The following KCNMA1 variants were observed in gnomAD, a reference collection of about 807,000 sequenced individuals.
KCNMA1 encodes potassium calcium-activated channel subfamily M alpha 1, also known as Calcium-activated potassium channel subunit alpha-1.
In KCNMA1, 29 loss-of-function variants were observed where a neutral mutation model predicts 140.0. That is an observed-to-expected ratio of 0.21 (90% CI 0.15 to 0.28). The LOEUF is 0.28. KCNMA1 is among the 10% of genes least tolerant of loss of function. KCNMA1 has a pLI of 1.00. For synonymous variants in KCNMA1, 612 were observed against 611.9 expected, an observed-to-expected ratio of 1.00 and a Z score of 0.00; for missense variants, 880 against 1,602.2, an observed-to-expected ratio of 0.55 and a Z score of 7.70.
intron 1 of KCNMA1, among the ~76,000 whole-genome samples, chr10:77,460,414 A>G (rs957453002): frequency 3.9e-5 from 6 of 152,180 alleles, no homozygotes; most frequent in Admixed American, 1.3e-4. Flanking sequence ...AAATCATTAG[A>G]CCAAAAAAAC....
chr10:77,616,249 C>T (rs11002219), intron 1 of KCNMA1, among the ~76,000 whole-genome samples: 13,541 of 152,236 alleles, frequency 0.089, 1,821 homozygotes, highest in African/African-American at 0.29. Context: ...ATTCCACAGA[C>T]GTGCAATCCA....
chr10:77,132,257 T>C (rs1387198366), intron 5 of KCNMA1, among the ~76,000 whole-genome samples: 1 of 152,122 alleles, frequency 6.6e-6, no homozygotes, highest in Non-Finnish European at 1.5e-5. Context: ...AGAATGGGCA[T>C]AGCCACACAG....
intron 2 of KCNMA1, among the ~76,000 whole-genome samples, chr10:77,296,513 CCAA>C (rs1251713971): frequency 6.6e-6 from 1 of 152,144 alleles, no homozygotes; most frequent in Non-Finnish European, 1.5e-5. Context: ...CCTTTTAAAA[CCAA>C]CTAATTCATG....
chr10:77,355,938 C>A (rs181482021), intron 2 of KCNMA1, among the ~76,000 whole-genome samples: 34 of 152,224 alleles, frequency 2.2e-4, no homozygotes, highest in African/African-American at 7.7e-4. Flanking sequence ...AAAAAACGAC[C>A]CCCTGTACAC....
chr10:77,531,097 G>A (rs1478626362), intron 1 of KCNMA1, among the ~76,000 whole-genome samples: 2 of 152,102 alleles, frequency 1.3e-5, no homozygotes, highest in Admixed American at 1.3e-4. Flanking sequence ...CCGAGACTTG[G>A]GGAAGCAAGC....
intron 1 of KCNMA1, among the ~76,000 whole-genome samples, chr10:77,447,697 T>C (rs1311295682): frequency 6.6e-6 from 1 of 152,194 alleles, no homozygotes; most frequent in Non-Finnish European, 1.5e-5. Context: ...AGGTTTTGGA[T>C]CCTGGGATCA....
At chr10:77,307,694 G>A (rs111294140) in intron 2 of KCNMA1, among the ~76,000 whole-genome samples, 2,186 of 152,086 alleles carry the variant, frequency 0.014, 48 homozygotes, top group African/African-American at 0.05. Context: ...CTACAGGCGC[G>A]CACCACCACG....
chr10:76,896,041 T>A (rs1202442062), intron 25 of KCNMA1, among the ~76,000 whole-genome samples: 1 of 152,200 alleles, frequency 6.6e-6, no homozygotes, highest in African/African-American at 2.4e-5. Flanking sequence ...TTGATAATCA[T>A]CTTAACAGGG....
chr10:76,882,811 C>T (rs148363004), downstream of KCNMA1, among the ~76,000 whole-genome samples: 1,013 of 152,290 alleles, frequency 6.7e-3, 2 homozygotes, highest in Middle Eastern at 0.014. Context: ...GCATGGGAGA[C>T]AGTCAGCCAG....
chr10:77,589,613 G>A (rs1412928940), intron 1 of KCNMA1, among the ~76,000 whole-genome samples: 1 of 152,182 alleles, frequency 6.6e-6, no homozygotes, highest in African/African-American at 2.4e-5. Context: ...GAATGAAGCC[G>A]CAGACCCTCG....
chr10:77,298,281 C>T (rs566114773), intron 2 of KCNMA1, among the ~76,000 whole-genome samples: 11 of 152,240 alleles, frequency 7.2e-5, no homozygotes, highest in African/African-American at 1.7e-4. Flanking sequence ...TCACTCTCAA[C>T]GCCCAGGCTG....
intron 1 of KCNMA1, among the ~76,000 whole-genome samples, chr10:77,440,406 G>C (rs140265990): frequency 6.6e-6 from 1 of 152,124 alleles, no homozygotes; most frequent in East Asian, 1.9e-4. Context: ...GCAGAGCAAG[G>C]GTGAAACATG....
intron 16 of KCNMA1, among the ~76,000 whole-genome samples, chr10:77,026,879 T>C (rs1000468230): frequency 3.9e-5 from 6 of 152,316 alleles, no homozygotes; most frequent in Middle Eastern, 3.4e-3. Context: ...CCTTAAATGA[T>C]GATAAAAGGA....
At chr10:77,407,966 G>A (rs1361918482) in intron 1 of KCNMA1, among the ~76,000 whole-genome samples, 1 of 152,174 alleles carries the variant, frequency 6.6e-6, no homozygotes, top group Non-Finnish European at 1.5e-5. Flanking sequence ...ATCCTCCAAT[G>A]AGCAAGAAGT....
chr10:77,398,363 A>AT (rs766608997), intron 2 of KCNMA1, among the ~76,000 whole-genome samples: 74 of 152,178 alleles, frequency 4.9e-4, no homozygotes, highest in Admixed American at 1.6e-3. Context: ...AACATCTGTT[A>AT]TTTTTTGTCT....
exon 28 of KCNMA1, chr10:76,871,810 G>A (rs943376416): frequency 2.6e-5 from 4 of 152,144 alleles, no homozygotes; most frequent in African/African-American, 9.7e-5. Context: ...TTTCTCCCTT[G>A]TTTCAACTCC....
chr10:77,203,427 A>G (rs2043055142), intron 3 of KCNMA1, among the ~76,000 whole-genome samples: 1 of 152,064 alleles, frequency 6.6e-6, no homozygotes, highest in African/African-American at 2.4e-5. Flanking sequence ...CTCCTCCAGA[A>G]AGCCTCCCCT....
At chr10:76,872,214 T>C (rs2151368225), downstream of KCNMA1, 1 of 152,386 alleles carries the variant, frequency 6.6e-6, no homozygotes, top group South Asian at 2.1e-4. Context: ...GCTGACATTC[T>C]AGTAATTCAG....
chr10:76,917,480 C>T (rs2053449676), intron 23 of KCNMA1, among the ~76,000 whole-genome samples: 1 of 152,156 alleles, frequency 6.6e-6, no homozygotes, highest in Non-Finnish European at 1.5e-5. Flanking sequence ...GACTCAATTC[C>T]TTTGCATGAA....
Sources: allele counts gnomAD v4.1 joint callset (sites outside exome capture counted in the v4.1 genomes callset), GRCh38; gene constraint gnomAD v4.1.1; transcripts MANE v1.5; gene names NCBI Gene and HGNC (gene_info 2026-07-23, HGNC 2026-07-21).